The following USP14 variants were observed in gnomAD, a reference collection of about 807,000 sequenced individuals.
The protein encoded by USP14 is ubiquitin specific peptidase 14.
In USP14, 38 loss-of-function variants were observed where a neutral mutation model predicts 76.5. The observed-to-expected ratio is 0.50, with a 90% CI of 0.38 to 0.65. The LOEUF (loss-of-function observed/expected upper bound fraction) is 0.65. Among genes scored for constraint, USP14 ranks in the 30% least tolerant of loss-of-function variants. USP14 has a pLI of 0.00. For missense variants in USP14, 467 were observed against 586.5 expected (o/e 0.80, Z 2.10); for synonymous variants, 192 against 191.7 (o/e 1.00, Z -0.01).
chr18:168,731 G>C (rs909533671), intron 3 of USP14, among the ~76,000 whole-genome samples: 1 of 151,994 alleles, frequency 6.6e-6, no homozygotes, highest in Non-Finnish European at 1.5e-5. Context: ...CACTGTGCCA[G>C]GCCTTGTCCT....
chr18:187,365 C>T (rs1200792758), intron 5 of USP14, among the ~76,000 whole-genome samples: 2 of 152,102 alleles, frequency 1.3e-5, no homozygotes, highest in African/African-American at 2.4e-5. Context: ...ATACTTCTTA[C>T]TTTCAGTGTA....
chr18:164,653 C>A (rs1909219539), intron 2 of USP14, among the ~76,000 whole-genome samples: 1 of 152,074 alleles, frequency 6.6e-6, no homozygotes, highest in South Asian at 2.1e-4. Context: ...GGGGTTTCAC[C>A]ATGTTGGCCA....
chr18:158,952 G>T (rs946174745), intron 1 of USP14: 1 of 485,748 alleles, frequency 2.1e-6, no homozygotes, highest in Non-Finnish European at 3.2e-6. Context: ...GTGGAGATGG[G>T]GAAGCCTCTC....
chr18:183,326 T>G (rs1168849963), intron 5 of USP14, among the ~76,000 whole-genome samples: 1 of 151,876 alleles, frequency 6.6e-6, no homozygotes, highest in Non-Finnish European at 1.5e-5. Flanking sequence ...TTCTCTTTTT[T>G]TTTTTTCTTT....
chr18:178,413 T>C (rs899821359), intron 3 of USP14, among the ~76,000 whole-genome samples: 5 of 152,160 alleles, frequency 3.3e-5, no homozygotes, highest in African/African-American at 4.8e-5. Flanking sequence ...ATTGTAAACA[T>C]TATTAGGTGT....
At chr18:163,125 C>G in intron 1 of USP14, 183 bp from the exon 2 acceptor site, 2 of 489,096 alleles carry the variant, frequency 4.1e-6, no homozygotes, top group Middle Eastern at 5.4e-4. Flanking sequence ...TAGGTTTGAT[C>G]CAGTGAAATT....
chr18:179,147 C>A, intron 4 of USP14, 110 bp downstream of exon 4: 1 of 663,914 alleles, frequency 1.5e-6, no homozygotes, highest in Non-Finnish European at 2.5e-6. Flanking sequence ...ATCATTAATA[C>A]CAAGATAGAT....
At position 158,797 on chromosome 18, in the gene USP14, C is replaced by T. The variant is rs1191845472; in HGVS notation, c.16+83C>T. ...AGGCCTGGCCTGCACGGGCGGGCAC[C>T]CGGCATGGACTGGGAGGGGCCGGGG... On this transcript the variant is annotated intron_variant, in intron 1 of 15. Coordinates refer to ENST00000261601, the MANE Select transcript of USP14 (RefSeq NM_005151.4). 33 of 1,304,258 alleles carry T rather than the reference C, an allele frequency of 2.5e-5. No individual in the cohort carries two copies. In the South Asian group the frequency reaches 6.5e-4, roughly 26 times the overall value. 80.8% of individuals were successfully genotyped at this position (1,304,258 alleles called of 1,614,324 possible). A position where few individuals can be genotyped will look rare whatever the true frequency, so the allele number is the denominator to read the frequency against.
chr18:204,815 T>A (rs56806027), intron 13 of USP14, 123 bp downstream of exon 13: 738,700 of 1,130,312 alleles, frequency 0.65, 242,101 homozygotes, highest in South Asian at 0.76. Flanking sequence ...TATAGTATTA[T>A]TTGGATCAAT....
chr18:185,860 ATTTTTT>A (rs34807173), intron 5 of USP14, among the ~76,000 whole-genome samples: 1 of 125,070 alleles, frequency 8.0e-6, no homozygotes, highest in African/African-American at 3.0e-5. Context: ...TGCCCAGCTG[ATTTTTT>A]TTTTTTTTTT....
chr18:198,640 T>G (rs941585210), intron 9 of USP14, among the ~76,000 whole-genome samples: 4 of 152,140 alleles, frequency 2.6e-5, no homozygotes, highest in African/African-American at 9.7e-5. Flanking sequence ...ATATAATTAT[T>G]TTAAATTTAT....
chr18:186,017 T>A (rs1909919661), intron 5 of USP14, among the ~76,000 whole-genome samples: 1 of 152,132 alleles, frequency 6.6e-6, no homozygotes, highest in African/African-American at 2.4e-5. Flanking sequence ...ATCTTCATTC[T>A]AAGTAACAGA....
intron 14 of USP14, 41 bp downstream of exon 14, chr18:210,072 G>A: frequency 6.8e-7 from 1 of 1,468,604 alleles, no homozygotes; most frequent in Non-Finnish European, 9.3e-7. Flanking sequence ...TTGTATGTGG[G>A]TCTTTTTAAG....
intron 5 of USP14, 70 bp from the exon 6 acceptor site, chr18:192,772 C>A: frequency 1.4e-6 from 2 of 1,480,592 alleles, no homozygotes; most frequent in Non-Finnish European, 1.9e-6. Flanking sequence ...CTCCTTTTAA[C>A]TGGTTTCTTC....
chr18:209,192 ATG>A (rs1308917931), intron 13 of USP14, among the ~76,000 whole-genome samples: 2 of 151,426 alleles, frequency 1.3e-5, no homozygotes, highest in Non-Finnish European at 2.9e-5. Context: ...ATGTTTTTAA[ATG>A]TGTTTCTTTG....
chr18:177,750 T>C (rs951410471), intron 3 of USP14, among the ~76,000 whole-genome samples: 3 of 152,024 alleles, frequency 2.0e-5, no homozygotes, highest in Non-Finnish European at 4.4e-5. Flanking sequence ...TATTTTAAGA[T>C]TATGAGCTTT....
At chr18:171,983 A>G (rs1470167841) in intron 3 of USP14, among the ~76,000 whole-genome samples, 5 of 152,234 alleles carry the variant, frequency 3.3e-5, no homozygotes, top group African/African-American at 1.2e-4. Context: ...GCTCACTCCT[A>G]TAATCCCAGC....
At chr18:197,292 T>G (rs12965796) in intron 7 of USP14, among the ~76,000 whole-genome samples, 7,136 of 152,308 alleles carry the variant, frequency 0.047, 220 homozygotes, top group African/African-American at 0.086. Flanking sequence ...AACAGCACAC[T>G]TCCCTTCCCC....
At chr18:190,195 T>G (rs1910048656) in intron 5 of USP14, among the ~76,000 whole-genome samples, 1 of 152,236 alleles carries the variant, frequency 6.6e-6, no homozygotes, top group East Asian at 1.9e-4. Context: ...CTTCTGTTGA[T>G]GAATATTTGG....
Sources: gnomAD v4.1 joint callset for allele counts (sites outside exome capture counted in the v4.1 genomes callset) on GRCh38, gnomAD v4.1.1 for gene constraint, MANE v1.5 for transcripts, NCBI Gene and HGNC (gene_info 2026-07-23, HGNC 2026-07-21) for gene names.